ADGRV1: variants seen among roughly 807,000 people sequenced by gnomAD.
The protein encoded by ADGRV1 is G-protein coupled receptor 98.
ADGRV1 carries 359 observed loss-of-function variants against 596.2 expected under a neutral mutation model. The ratio of observed to expected loss-of-function variants is 0.60; its 90% CI spans 0.55 to 0.66. The LOEUF is 0.66. ADGRV1 is among the 30% of genes least tolerant of loss of function. The pLI is 0.00. For synonymous variants in ADGRV1, 2,681 were observed against 2,679.2 expected, an observed-to-expected ratio of 1.00 and a Z score of -0.02; for missense variants, 7,274 against 7,575.6, an observed-to-expected ratio of 0.96 and a Z score of 1.48.
chr5:90,669,257 G>A (rs1472551818), intron 21 of ADGRV1, among the ~76,000 whole-genome samples: 2 of 152,098 alleles, frequency 1.3e-5, no homozygotes, highest in Non-Finnish European at 2.9e-5. Flanking sequence ...TAAATCTGAT[G>A]TTGTATTGAC....
At chr5:90,729,997 C>A (rs1485397927) in intron 50 of ADGRV1, among the ~76,000 whole-genome samples, 1 of 152,084 alleles carries the variant, frequency 6.6e-6, no homozygotes. Context: ...TCCCCAGTAG[C>A]TGGGACTACA....
At chr5:90,956,828 G>A (rs560750466) in intron 83 of ADGRV1, among the ~76,000 whole-genome samples, 1 of 152,252 alleles carries the variant, frequency 6.6e-6, no homozygotes, top group South Asian at 2.1e-4. Context: ...CAACAGACTT[G>A]GCTCAAGTCC....
At position 90,651,674 on chromosome 5, in the gene ADGRV1, T is replaced by A. The variant is rs1580601012; in HGVS notation, c.3360T>A (p.Ile1120=). The A allele has an allele frequency of 6.2e-7, 1 of 1,612,848 alleles. No individual in the cohort carries two copies. ...AAGCTAATGATGACCCAAATGGCAT[T>A]TTTTCTCTGGAGCCCATAGACAAAG... The part of the protein sequence containing the change: ...IIEANDDPNG[I]FSLEPIDKAV... The change falls in exon 18 of 90, where the codon ATT becomes ATA. Residue 1120 remains isoleucine, a synonymous_variant. Coordinates refer to ENST00000405460, the MANE Select transcript of ADGRV1 (RefSeq NM_032119.4).
chr5:90,640,505 G>T (rs920055171), intron 11 of ADGRV1, among the ~76,000 whole-genome samples: 4 of 152,074 alleles, frequency 2.6e-5, no homozygotes, highest in Non-Finnish European at 5.9e-5. Context: ...GCTGTGGTTT[G>T]TGAGCCTGTA....
At chr5:90,670,782 T>C (rs1047369924) in intron 21 of ADGRV1, among the ~76,000 whole-genome samples, 1 of 152,204 alleles carries the variant, frequency 6.6e-6, no homozygotes, top group African/African-American at 2.4e-5. Context: ...ACTGGTACAC[T>C]GATCCCAACC....
In ADGRV1 at chr5:90,745,161, A is replaced by G; in HGVS notation, c.10665A>G (p.Thr3555=). The G allele has an allele frequency of 1.2e-6, 2 of 1,613,532 alleles. No homozygotes were observed. The highest frequency in any genetic ancestry group is 8.5e-7 in the Non-Finnish European group (1 of 1,179,650). Residue 3555 remains threonine (T), a synonymous_variant, in exon 51 of 90, where the codon ACA becomes ACG. Coordinates refer to ENST00000405460, the MANE Select transcript of ADGRV1 (RefSeq NM_032119.4). ...VPSAYDVASV[T]VKSLNSSKNL... ...CTGCTTATGATGTGGCTTCTGTTAC[A>G]GTAAAGTCCCTTAATTCAAGCAAGA...
chr5:91,114,175 C>T (rs1039368942), intron 87 of ADGRV1, among the ~76,000 whole-genome samples: 3 of 151,982 alleles, frequency 2.0e-5, no homozygotes, highest in Non-Finnish European at 4.4e-5. Context: ...GCTGAGATTG[C>T]ACCACTGCAC....
In ADGRV1 at chr5:90,706,316, T is replaced by G; in HGVS notation, c.8652T>G (p.Val2884=). Residue 2884 remains valine (V), a synonymous_variant, in exon 38 of 90, where the codon GTT becomes GTG. Transcript: ENST00000405460. ...TAGGAAACCTAGCAGAGCCAGAAGT[T>G]GATTTTGTCCCTATCATTGGCTTTC... ...QTVGNLAEPE[V]DFVPIIGFLI... 6.2e-7 allele frequency: 1 copy of G among 1,613,464 alleles called. No homozygotes were observed. The highest frequency in any genetic ancestry group is 8.5e-7 in the Non-Finnish European group (1 of 1,179,646).
At position 90,628,838 on chromosome 5, in the gene ADGRV1, A is replaced by G; in HGVS notation, c.1509+6A>G. On this transcript the variant is annotated splice_donor_region_variant and intron_variant, in intron 8 of 89. Coordinates refer to ENST00000405460, the MANE Select transcript of ADGRV1 (RefSeq NM_032119.4). ...AAGTGAGCGAGCCAGCGGAGGTATA[A>G]CCCTTGTTATGCTTTATGCTTGTTA... The G allele has an allele frequency of 1.9e-6, 3 of 1,612,642 alleles. No individual in the cohort carries two copies. The highest frequency in any genetic ancestry group is 2.5e-6 in the Non-Finnish European group (3 of 1,179,020).
At chr5:90,891,125 A>T (rs1317634945) in intron 83 of ADGRV1, among the ~76,000 whole-genome samples, 2 of 149,518 alleles carry the variant, frequency 1.3e-5, no homozygotes, top group Non-Finnish European at 3.0e-5. Flanking sequence ...AATATGGAAA[A>T]TTTTTATTGT....
rs1778247577 is a variant in ADGRV1 at position 90,964,040 on chromosome 5, C to T, written c.17857-1375C>T. Among the ~76,000 whole-genome samples the T allele has an allele frequency of 2.0e-5, 3 of 151,924 alleles. No individual in the cohort carries two copies. In the South Asian group the frequency reaches 6.2e-4, roughly 32 times the overall value. On this transcript the variant is annotated intron_variant, in intron 83 of 89. Coordinates refer to ENST00000405460, the MANE Select transcript of ADGRV1 (RefSeq NM_032119.4). ...TTTGGGAACATGCAAAGCCTCACTG[C>T]AGATCCTAATGAATTTACCACAGGG...
intron 11 of ADGRV1, among the ~76,000 whole-genome samples, chr5:90,641,382 C>A (rs185895206): frequency 5.6e-4 from 85 of 152,178 alleles, no homozygotes; most frequent in African/African-American, 2.0e-3. Flanking sequence ...TTAAGGGTAG[C>A]ATATTTTAAG....
At chr5:90,903,069 T>C (rs952406339) in intron 83 of ADGRV1, among the ~76,000 whole-genome samples, 1 of 152,146 alleles carries the variant, frequency 6.6e-6, no homozygotes, top group African/African-American at 2.4e-5. Flanking sequence ...CAAAAGGAAT[T>C]AATTTTCTTT....
intron 7 of ADGRV1, 90 bp from the exon 8 acceptor site, chr5:90,628,472 G>A (rs1483902946): frequency 2.8e-6 from 3 of 1,056,788 alleles, no homozygotes; most frequent in African/African-American, 3.1e-5. Flanking sequence ...TTTTATCAGT[G>A]TCTAATGGAC....
intron 83 of ADGRV1, among the ~76,000 whole-genome samples, chr5:90,879,455 G>T (rs1253464663): frequency 1.3e-5 from 2 of 152,016 alleles, no homozygotes; most frequent in African/African-American, 2.4e-5. Flanking sequence ...TTTTGTTTAG[G>T]TTTAAATTTT....
intron 83 of ADGRV1, among the ~76,000 whole-genome samples, chr5:90,958,120 G>T (rs1026405902): frequency 2.0e-5 from 3 of 150,978 alleles, no homozygotes; most frequent in East Asian, 1.9e-4. Flanking sequence ...TACAAAAAAA[G>T]AAAAAATAAA....
At chr5:91,136,921 T>C (rs981981008) in intron 87 of ADGRV1, among the ~76,000 whole-genome samples, 2 of 152,196 alleles carry the variant, frequency 1.3e-5, no homozygotes, top group African/African-American at 4.8e-5. Flanking sequence ...AATTGATCAC[T>C]CCATTTCCTT....
At chr5:91,091,871 G>A (rs1582029973) in intron 86 of ADGRV1, 1 of 152,184 alleles carries the variant, frequency 6.6e-6, no homozygotes, top group East Asian at 1.9e-4. Flanking sequence ...ACATCAGGGA[G>A]GGCCATCTGC....
At position 90,871,858 on chromosome 5, in the gene ADGRV1, G is replaced by A. The variant is rs370252210; in HGVS notation, c.17856+8001G>A. Among the ~76,000 whole-genome samples the A allele has an allele frequency of 4.3e-4, 66 of 152,214 alleles. 2 individuals are homozygous for A. In the South Asian group the frequency reaches 0.013, roughly 31 times the overall value. ...GATGGGGTAACATCTGTCAACTACA[G>A]TGGAAAAAAAATCACTAGGAAAATA... On this transcript the variant is annotated intron_variant, in intron 83 of 89. Transcript: ENST00000405460.
Sources: gnomAD v4.1 joint callset for allele counts (sites outside exome capture counted in the v4.1 genomes callset) on GRCh38, gnomAD v4.1.1 for gene constraint, MANE v1.5 for transcripts, NCBI Gene and HGNC (gene_info 2026-07-23, HGNC 2026-07-21) for gene names.